Variants in MTNAP1 observed in about 807,000 individuals in gnomAD.
MTNAP1 encodes the protein mitochondrial nucleoid-associated protein 1.
chr17:73,245,109 A>G, the MTNAP1 span: 1 of 1,516,772 alleles, frequency 6.6e-7, no homozygotes, highest in Non-Finnish European at 9.1e-7. Flanking sequence ...GGCAAAAGAT[A>G]GTAACAGTCA....
chr17:73,240,193 T>G, the MTNAP1 span, among the ~76,000 whole-genome samples: 1 of 152,228 alleles, frequency 6.6e-6, no homozygotes, highest in Non-Finnish European at 1.5e-5. Context: ...AACAAGTTCC[T>G]TCCAAATAGT....
chr17:73,247,369 C>T, the MTNAP1 span: 18,758 of 1,609,728 alleles, frequency 0.012, 628 homozygotes, highest in African/African-American at 0.12. Flanking sequence ...GAGAAGCCTT[C>T]GTGACTTCTC....
the MTNAP1 span, among the ~76,000 whole-genome samples, chr17:73,240,784 C>T: frequency 2.0e-5 from 3 of 152,308 alleles, no homozygotes; most frequent in Non-Finnish European, 2.9e-5. Flanking sequence ...CAGGGAGCCA[C>T]GTGATCCTGA....
At chr17:73,233,176 CTG>C in the MTNAP1 span, 1 of 152,214 alleles carries the variant, frequency 6.6e-6, no homozygotes, top group Admixed American at 6.5e-5. Context: ...CGTTTACTCA[CTG>C]TGCATGCTGC....
At chr17:73,236,966 T>A in the MTNAP1 span, 1 of 1,595,748 alleles carries the variant, frequency 6.3e-7, no homozygotes, top group Non-Finnish European at 8.5e-7. Flanking sequence ...CCACAACTTA[T>A]CAGTCCCCAG....
chr17:73,248,737 G>A, the MTNAP1 span: 5 of 558,310 alleles, frequency 9.0e-6, no homozygotes, highest in South Asian at 2.4e-5. Context: ...CACGTGGTCT[G>A]TGTAAGTGGA....
At chr17:73,236,546 T>G in the MTNAP1 span, 1 of 1,614,204 alleles carries the variant, frequency 6.2e-7, no homozygotes, top group South Asian at 1.1e-5. Flanking sequence ...CATTTAAGTT[T>G]GTTCATTCCG....
chr17:73,238,130 A>G, the MTNAP1 span, among the ~76,000 whole-genome samples: 1 of 151,118 alleles, frequency 6.6e-6, no homozygotes, highest in Non-Finnish European at 1.5e-5. Flanking sequence ...CCAAGGCCCA[A>G]GGAGCCAGGA....
At chr17:73,236,845 A>C in the MTNAP1 span, 3 of 1,613,716 alleles carry the variant, frequency 1.9e-6, no homozygotes, top group Non-Finnish European at 2.5e-6. Flanking sequence ...TGGCAGGAAG[A>C]CTCTTCGCAG....
At chr17:73,248,429 G>C in the MTNAP1 span, 3 of 1,350,270 alleles carry the variant, frequency 2.2e-6, no homozygotes, top group African/African-American at 1.4e-5. Flanking sequence ...GCAGAAGGAG[G>C]GGGTAAAAGT....
At chr17:73,248,293 T>A in the MTNAP1 span, 461 of 578,750 alleles carry the variant, frequency 8.0e-4, no homozygotes, top group Non-Finnish European at 1.1e-3. Flanking sequence ...CAGAAGCCAG[T>A]ACGCTTCAGG....
At chr17:73,240,843 C>T in the MTNAP1 span, among the ~76,000 whole-genome samples, 2 of 149,952 alleles carry the variant, frequency 1.3e-5, no homozygotes, top group Non-Finnish European at 3.0e-5. Context: ...CTCTTTACAC[C>T]GTTTTCCTCA....
the MTNAP1 span, chr17:73,243,097 T>TTTTG: frequency 1.0e-6 from 1 of 978,132 alleles, no homozygotes; most frequent in Non-Finnish European, 1.5e-6. Flanking sequence ...TTTTTTTTTT[T>TTTTG]TTTTACAGCT....
chr17:73,244,850 A>G, the MTNAP1 span: 1 of 232,544 alleles, frequency 4.3e-6, no homozygotes, highest in Non-Finnish European at 8.5e-6. Context: ...CATCTCTTGT[A>G]TCAGACACCT....
chr17:73,234,554 G>C, the MTNAP1 span, among the ~76,000 whole-genome samples: 1 of 152,016 alleles, frequency 6.6e-6, no homozygotes, highest in Non-Finnish European at 1.5e-5. Flanking sequence ...AGCCTGGCGT[G>C]GTGGCGCATG....
the MTNAP1 span, chr17:73,248,695 C>T: frequency 1.5e-4 from 113 of 745,850 alleles, no homozygotes; most frequent in African/African-American, 1.4e-3. Flanking sequence ...GGAATATTCA[C>T]GGACATGCCT....
chr17:73,247,262 C>T, the MTNAP1 span: 1 of 1,614,156 alleles, frequency 6.2e-7, no homozygotes, highest in Non-Finnish European at 8.5e-7. Context: ...CGACCCCTGC[C>T]CTGGAAGAGC....
the MTNAP1 span, chr17:73,235,778 GT>G: frequency 6.2e-7 from 1 of 1,614,054 alleles, no homozygotes; most frequent in African/African-American, 1.3e-5. Context: ...CCAGCTGTTG[GT>G]TTGGAAAGAG....
the MTNAP1 span, chr17:73,236,103 C>A: frequency 6.2e-7 from 1 of 1,614,092 alleles, no homozygotes; most frequent in Non-Finnish European, 8.5e-7. Context: ...TCAAATTGGA[C>A]AAAATTGATC....
Sources: gnomAD v4.1 joint callset for allele counts (sites outside exome capture counted in the v4.1 genomes callset) on GRCh38, gnomAD v4.1.1 for gene constraint, MANE v1.5 for transcripts, NCBI Gene and HGNC (gene_info 2026-07-23, HGNC 2026-07-21) for gene names.